TNS3: variants seen among roughly 807,000 people sequenced by gnomAD.
TNS3 encodes the protein tensin 3, also known as tensin-3.
In TNS3, 45 loss-of-function variants were observed where a neutral mutation model predicts 140.9. That is an observed-to-expected ratio of 0.32 (90% CI 0.25 to 0.41). The LOEUF (loss-of-function observed/expected upper bound fraction) is 0.41. Ranked by LOEUF, TNS3 falls within the 10% of genes least tolerant of loss-of-function variation. TNS3 has a pLI of 1.00. For synonymous variants in TNS3, 815 were observed against 788.4 expected (o/e 1.03, Z -0.56); for missense variants, 1,716 against 1,906.7 (o/e 0.90, Z 1.86).
Position 47,317,607 on chromosome 7 carries a change from G to A in TNS3, c.2651-12604C>T, listed in dbSNP as rs187614067. On this transcript the variant is annotated intron_variant, in intron 20 of 30. Coordinates refer to ENST00000311160, the MANE Select transcript of TNS3 (RefSeq NM_022748.12). ...GCCAGTTCCTCCAGGGACTCACATA[G>A]TCCCTTAGCAACCTACAAGGGATGA... Among the ~76,000 whole-genome samples the A allele has an allele frequency of 3.7e-4, 57 of 152,326 alleles. 1 individual carries two copies. Among genetic ancestry groups the A allele is most frequent in the African/African-American group, 1.2e-3 (51 of 41,578 alleles).
At chr7:47,576,957 G>A (rs1193264753) in intron 1 of TNS3, among the ~76,000 whole-genome samples, 4 of 152,302 alleles carry the variant, frequency 2.6e-5, no homozygotes, top group South Asian at 4.1e-4. Context: ...TTTCAGTATC[G>A]CCACGAGTGT....
intron 4 of TNS3, among the ~76,000 whole-genome samples, chr7:47,459,876 T>C (rs1471334241): frequency 6.6e-6 from 1 of 151,974 alleles, no homozygotes; most frequent in African/African-American, 2.4e-5. Flanking sequence ...CAAACATCCA[T>C]ATGTTGAAGT....
chr7:47,349,533 C>T (rs1210474322), intron 17 of TNS3, among the ~76,000 whole-genome samples: 3 of 152,232 alleles, frequency 2.0e-5, no homozygotes, highest in Non-Finnish European at 2.9e-5. Context: ...CCTGCAAAAG[C>T]AGGGCCACCG....
At chr7:47,375,708 C>T (rs1791341876) in intron 16 of TNS3, among the ~76,000 whole-genome samples, 1 of 152,202 alleles carries the variant, frequency 6.6e-6, no homozygotes, top group African/African-American at 2.4e-5. Context: ...ACAGATTAGG[C>T]AATGCCCAAC....
At chr7:47,514,668 C>T (rs1798721196) in intron 2 of TNS3, among the ~76,000 whole-genome samples, 1 of 152,128 alleles carries the variant, frequency 6.6e-6, no homozygotes, top group Non-Finnish European at 1.5e-5. Context: ...TTATTCTGTG[C>T]CATCCTGTCT....
At chr7:47,309,976 A>C (rs139763061) in intron 20 of TNS3, among the ~76,000 whole-genome samples, 1 of 152,230 alleles carries the variant, frequency 6.6e-6, no homozygotes, top group Non-Finnish European at 1.5e-5. Context: ...GGAAGGGAGC[A>C]GGAGATCCAT....
chr7:47,439,673 T>C lies in TNS3; in HGVS notation c.-22-15A>G, dbSNP rs560329346. The C allele has an allele frequency of 8.1e-6, 13 of 1,612,758 alleles. No individual in the cohort carries two copies. The South Asian group carries it at 1.1e-4, about 14-fold the overall frequency. The stretch of plus-strand genomic sequence containing the variant: ...GGATGACGGGCCTGCGAGAGAGCAG[T>C]GGGCAGATCAGAAACAGGGTAAGGA... On this transcript the variant is annotated splice_polypyrimidine_tract_variant and intron_variant, in intron 5 of 30. Transcript: ENST00000311160.
intron 1 of TNS3, among the ~76,000 whole-genome samples, chr7:47,560,119 C>T (rs961481092): frequency 6.6e-6 from 1 of 152,072 alleles, no homozygotes; most frequent in Non-Finnish European, 1.5e-5. Context: ...GACCCGCCCC[C>T]CTACCCCCAA....
At chr7:47,311,792 A>T (rs1787120343) in intron 20 of TNS3, among the ~76,000 whole-genome samples, 1 of 152,216 alleles carries the variant, frequency 6.6e-6, no homozygotes, top group African/African-American at 2.4e-5. Context: ...AGACTCAAGA[A>T]ATCAAGCCAC....
At chr7:47,360,545 T>C (rs1021830816) in intron 17 of TNS3, among the ~76,000 whole-genome samples, 1 of 152,152 alleles carries the variant, frequency 6.6e-6, no homozygotes, top group Non-Finnish European at 1.5e-5. Context: ...AGTCCCTTTA[T>C]AAGACCTGGG....
intron 16 of TNS3, among the ~76,000 whole-genome samples, chr7:47,381,294 A>G (rs757695839): frequency 6.6e-6 from 1 of 152,148 alleles, no homozygotes; most frequent in Non-Finnish European, 1.5e-5. Context: ...TTTGTGCGGG[A>G]TGTGGCTAAG....
In TNS3 at chr7:47,344,741, G is replaced by C; in HGVS notation, c.2650+14C>G. ...GAGTGCCGCGCGCCTGTGACCCGCG[G>C]GTAGATTTCTTACCACGTCCTCCTT... is the stretch of plus-strand genomic sequence containing the variant. On this transcript the variant is annotated intron_variant, in intron 20 of 30. Transcript: ENST00000311160. 1.2e-6 allele frequency: 2 copies of C among 1,609,134 alleles called. No individual in the cohort carries two copies. Among genetic ancestry groups the C allele is most frequent in the Non-Finnish European group, 8.5e-7 (1 of 1,177,944 alleles).
At chr7:47,400,602 G>A (rs1793097772) in intron 14 of TNS3, 144 bp from the exon 15 acceptor site, 1 of 1,264,176 alleles carries the variant, frequency 7.9e-7, no homozygotes, top group African/African-American at 1.5e-5. Context: ...AGTATAGGCA[G>A]TTTCATTGGT....
intron 20 of TNS3, among the ~76,000 whole-genome samples, chr7:47,341,168 A>G (rs566327067): frequency 2.6e-5 from 4 of 152,280 alleles, no homozygotes; most frequent in South Asian, 4.1e-4. Context: ...GGAGTTTTGT[A>G]TCTGAATCTG....
At chr7:47,405,577 TG>T (rs1318652682) in intron 13 of TNS3, 1 of 702,768 alleles carries the variant, frequency 1.4e-6, no homozygotes, top group African/African-American at 1.7e-5. Flanking sequence ...AATTGAAAGG[TG>T]GGTAAATATT....
intron 4 of TNS3, chr7:47,453,272 A>G: frequency 5.1e-6 from 5 of 985,038 alleles, no homozygotes; most frequent in Non-Finnish European, 6.0e-6. Flanking sequence ...GACAGGAACA[A>G]GAACAGCGCT....
intron 20 of TNS3, among the ~76,000 whole-genome samples, chr7:47,343,956 G>A (rs1789168071): frequency 6.6e-6 from 1 of 152,154 alleles, no homozygotes; most frequent in Admixed American, 6.5e-5. Context: ...ACACTCCTGG[G>A]TAAGGGGTAG....
At chr7:47,549,882 A>G (rs1027735814) in intron 1 of TNS3, among the ~76,000 whole-genome samples, 1 of 152,056 alleles carries the variant, frequency 6.6e-6, no homozygotes, top group Non-Finnish European at 1.5e-5. Flanking sequence ...CAGGTTTTTC[A>G]TGCTCTGACC....
intron 2 of TNS3, among the ~76,000 whole-genome samples, chr7:47,521,637 C>G (rs1405286511): frequency 6.6e-6 from 1 of 152,092 alleles, no homozygotes; most frequent in Non-Finnish European, 1.5e-5. Flanking sequence ...AGGCACCTTC[C>G]TGAGGACCTG....
Sources: gnomAD v4.1 joint callset for allele counts (sites outside exome capture counted in the v4.1 genomes callset) on GRCh38, gnomAD v4.1.1 for gene constraint, MANE v1.5 for transcripts, NCBI Gene and HGNC (gene_info 2026-07-23, HGNC 2026-07-21) for gene names.